Variants in RBFOX1 observed in about 807,000 individuals in gnomAD.
The protein encoded by RBFOX1 is RNA binding fox-1 homolog 1.
A neutral mutation model predicts 57.7 loss-of-function variants in RBFOX1; 8 were observed. The ratio of observed to expected loss-of-function variants is 0.14; its 90% CI spans 0.08 to 0.25. The LOEUF is 0.25. RBFOX1 is among the 10% of genes least tolerant of loss of function. The pLI, the probability that RBFOX1 is intolerant of heterozygous loss-of-function variation, is 1.00. For missense variants in RBFOX1, 611 were observed against 548.5 expected (o/e 1.11, Z -1.14); for synonymous variants, 326 against 222.4 (o/e 1.47, Z -4.15).
At chr16:5,696,158 G>A (rs1369433848) in intron 3 of RBFOX1, among the ~76,000 whole-genome samples, 1 of 152,092 alleles carries the variant, frequency 6.6e-6, no homozygotes, top group African/African-American at 2.4e-5. Context: ...TTTTATATTT[G>A]CTTCAGAATT....
At chr16:5,549,503 T>C (rs1201726455) in intron 2 of RBFOX1, among the ~76,000 whole-genome samples, 2 of 152,194 alleles carry the variant, frequency 1.3e-5, no homozygotes, top group Non-Finnish European at 1.5e-5. Flanking sequence ...GTAAGATATT[T>C]AGATAGGCAG....
intron 2 of RBFOX1, among the ~76,000 whole-genome samples, chr16:6,542,231 C>A (rs1159912685): frequency 6.6e-6 from 1 of 151,998 alleles, no homozygotes; most frequent in Admixed American, 6.5e-5. Context: ...CCACCAACAT[C>A]TATTTTAAAA....
intron 1 of RBFOX1, among the ~76,000 whole-genome samples, chr16:6,136,755 C>G (rs1478067979): frequency 6.6e-6 from 1 of 152,130 alleles, no homozygotes; most frequent in Non-Finnish European, 1.5e-5. Flanking sequence ...GCATCACAAG[C>G]CGACATTTGT....
At chr16:7,193,392 G>A (rs931799683) in intron 4 of RBFOX1, among the ~76,000 whole-genome samples, 1 of 152,210 alleles carries the variant, frequency 6.6e-6, no homozygotes, top group Non-Finnish European at 1.5e-5. Flanking sequence ...ATTGTAGCTG[G>A]ATGAGACCTG....
At chr16:6,034,441 C>T (rs1176588648) in intron 1 of RBFOX1, among the ~76,000 whole-genome samples, 1 of 149,838 alleles carries the variant, frequency 6.7e-6, no homozygotes, top group Non-Finnish European at 1.5e-5. Flanking sequence ...CAAGGTGTGG[C>T]AAGTTCAATG....
chr16:6,583,739 T>C (rs903570172), intron 2 of RBFOX1, among the ~76,000 whole-genome samples: 1 of 152,228 alleles, frequency 6.6e-6, no homozygotes, highest in Non-Finnish European at 1.5e-5. Context: ...AATTACATTA[T>C]TTTTCAGCAG....
intron 3 of RBFOX1, among the ~76,000 whole-genome samples, chr16:7,028,609 C>CAAAAAAAAAAA (rs869138217): frequency 2.2e-5 from 1 of 45,428 alleles, no homozygotes; most frequent in African/African-American, 8.5e-5. Context: ...CACACACACA[C>CAAAAAAAAAAA]AAAAAAAAAA....
chr16:6,920,079 C>G (rs948999501), intron 3 of RBFOX1, among the ~76,000 whole-genome samples: 6 of 152,142 alleles, frequency 3.9e-5, no homozygotes, highest in Non-Finnish European at 7.3e-5. Context: ...ATAATGGCAT[C>G]CAACTCCATC....
At chr16:5,268,162 G>C (rs2062910079) in intron 1 of RBFOX1, among the ~76,000 whole-genome samples, 1 of 152,022 alleles carries the variant, frequency 6.6e-6, no homozygotes, top group Admixed American at 6.6e-5. Context: ...GGTCTGGCTG[G>C]GCAAGCACCT....
chr16:6,886,889 A>G (rs1291546674), intron 3 of RBFOX1, among the ~76,000 whole-genome samples: 3 of 152,202 alleles, frequency 2.0e-5, no homozygotes, highest in African/African-American at 4.8e-5. Context: ...ATTTTGTTGC[A>G]TTAGGTCACT....
At chr16:6,865,671 C>T (rs185295743) in intron 3 of RBFOX1, among the ~76,000 whole-genome samples, 2 of 152,258 alleles carry the variant, frequency 1.3e-5, no homozygotes, top group East Asian at 3.9e-4. Flanking sequence ...GTAGTAATCC[C>T]TAATTCCTTT....
At chr16:6,834,299 C>G (rs1225585191) in intron 3 of RBFOX1, among the ~76,000 whole-genome samples, 3 of 152,020 alleles carry the variant, frequency 2.0e-5, no homozygotes, top group East Asian at 3.9e-4. Flanking sequence ...TGGTCTCAAA[C>G]TCCCAACCTT....
intron 3 of RBFOX1, among the ~76,000 whole-genome samples, chr16:5,784,853 C>G (rs1209722181): frequency 1.3e-5 from 2 of 152,122 alleles, no homozygotes; most frequent in East Asian, 1.9e-4. Flanking sequence ...CCTTCCCTCA[C>G]CAGACACTGA....
rs114119109 is a variant in RBFOX1 at position 7,450,022 on chromosome 16, G to T, written c.28-68125G>T. Reference sequence around the variant, plus strand: ...GGCCAGTATTCAGGAGGAGAGCCTTGTGGCAGCTTTTCTGGGTGTGGATTT... The same window carrying T: ...GGCCAGTATTCAGGAGGAGAGCCTTTTGGCAGCTTTTCTGGGTGTGGATTT... On this transcript the variant is annotated intron_variant, in intron 4 of 15. Coordinates refer to ENST00000550418, the MANE Select transcript of RBFOX1 (RefSeq NM_018723.4). 4.2e-3 allele frequency among the ~76,000 whole-genome samples: 638 copies of T among 152,274 alleles called. 3 individuals carry two copies. Among genetic ancestry groups the T allele is most frequent in the African/African-American group, 0.015 (609 of 41,564 alleles).
At chr16:5,787,372 T>C (rs1395699255) in intron 3 of RBFOX1, among the ~76,000 whole-genome samples, 2 of 152,182 alleles carry the variant, frequency 1.3e-5, no homozygotes, top group African/African-American at 4.8e-5. Context: ...TTCCTGGCAA[T>C]GAAGTGAATA....
At chr16:5,842,811 T>A (rs1052651561) in intron 3 of RBFOX1, among the ~76,000 whole-genome samples, 2 of 152,048 alleles carry the variant, frequency 1.3e-5, no homozygotes, top group African/African-American at 4.8e-5. Flanking sequence ...TTTTTGTTTT[T>A]ATTTTTTTTT....
At chr16:6,320,897 G>A (rs1839027144) in intron 2 of RBFOX1, among the ~76,000 whole-genome samples, 1 of 152,086 alleles carries the variant, frequency 6.6e-6, no homozygotes, top group African/African-American at 2.4e-5. Flanking sequence ...GGGTTCAAGC[G>A]ATTATCCTGC....
At chr16:6,683,438 C>T (rs938726190) in intron 3 of RBFOX1, among the ~76,000 whole-genome samples, 7 of 152,086 alleles carry the variant, frequency 4.6e-5, no homozygotes, top group African/African-American at 1.2e-4. Context: ...GAGGATATAT[C>T]TATGTCTTTC....
chr16:7,388,870 A>G (rs1200381019), intron 4 of RBFOX1, among the ~76,000 whole-genome samples: 1 of 152,106 alleles, frequency 6.6e-6, no homozygotes, highest in Admixed American at 6.5e-5. Context: ...GGTGTATGGA[A>G]TGCAATTTTG....
Sources: allele counts gnomAD v4.1 joint callset (sites outside exome capture counted in the v4.1 genomes callset), GRCh38; gene constraint gnomAD v4.1.1; transcripts MANE v1.5; gene names NCBI Gene and HGNC (gene_info 2026-07-23, HGNC 2026-07-21).